Variants in CCDC57 observed in about 807,000 individuals in gnomAD.
CCDC57 encodes coiled-coil domain containing 57.
Under a neutral mutation model 118.9 loss-of-function variants are expected in CCDC57, and 118 were observed. The ratio of observed to expected loss-of-function variants is 0.99; its 90% confidence interval spans 0.86 to 1.16. The LOEUF (loss-of-function observed/expected upper bound fraction) is 1.16, where lower values mean the gene tolerates loss of function less well. CCDC57 is among the 50% of genes most tolerant of loss of function. CCDC57 has a pLI of 0.00. For missense variants in CCDC57, 1,300 were observed against 1,320.7 expected, an observed-to-expected ratio of 0.98 and a Z score of 0.24; for synonymous variants, 527 against 532.9, an observed-to-expected ratio of 0.99 and a Z score of 0.15.
rs374884409 is a variant in CCDC57, at chr17:82,203,819, T to C, written c.-8-1867A>G. Among the ~76,000 whole-genome samples, 186 of 152,286 alleles carry C rather than the reference T, an allele frequency of 1.2e-3. 2 individuals carry two copies. The highest frequency in any genetic ancestry group is 4.1e-3 in the African/African-American group (170 of 41,560). On this transcript the variant is annotated intron_variant, in intron 2 of 19. Transcript: ENST00000665763. ...CACAAACTTCCGGCCTGGTGGGACA[T>C]GGCCGGGGTGCTGCTGCCAGAGCAG...
chr17:82,130,814 G>T (rs1166941956), intron 17 of CCDC57, among the ~76,000 whole-genome samples: 6 of 135,176 alleles, frequency 4.4e-5, no homozygotes, highest in African/African-American at 1.5e-4. Flanking sequence ...CCTTTTTTTT[G>T]GGGGGGTGGG....
chr17:82,128,863 C>T (rs927850486), intron 17 of CCDC57, among the ~76,000 whole-genome samples: 3 of 152,094 alleles, frequency 2.0e-5, no homozygotes, highest in Admixed American at 1.3e-4. Flanking sequence ...GAGAGCCCCC[C>T]GGCCCAAGAT....
At position 82,115,765 on chromosome 17, in the gene CCDC57, C is replaced by T. The variant is rs896516827; in HGVS notation, c.2899+11927G>A. On this transcript the variant is annotated intron_variant, in intron 19 of 19. Transcript: ENST00000665763. Reference sequence around the variant, plus strand: ...CCGGGGCGACAGAGGGAGACTCTGTCTCAAAAATACAAAAAATTTATGCAA... The same window carrying T: ...CCGGGGCGACAGAGGGAGACTCTGTTTCAAAAATACAAAAAATTTATGCAA... Among the ~76,000 whole-genome samples the T allele has an allele frequency of 1.3e-4, 18 of 140,244 alleles. No individual in the cohort carries two copies. The East Asian group carries it at 3.2e-3, about 25-fold the overall frequency. 92.0% of individuals were successfully genotyped at this position (140,244 alleles called of 152,430 possible).
At chr17:82,162,396 T>A (rs114058852) in intron 14 of CCDC57, among the ~76,000 whole-genome samples, 2,501 of 152,176 alleles carry the variant, frequency 0.016, 71 homozygotes, top group African/African-American at 0.057. Context: ...GGAAACAGGG[T>A]GGGCTCGCTG....
exon 11 of CCDC57, chr17:82,178,570 T>G: frequency 6.2e-7 from 1 of 1,613,356 alleles, no homozygotes; most frequent in Non-Finnish European, 8.5e-7. Context: ...CCTGCTCCTG[T>G]AGCGCCTGCT....
chr17:82,191,725 G>T (rs1229615633), intron 7 of CCDC57, among the ~76,000 whole-genome samples: 1 of 152,032 alleles, frequency 6.6e-6, no homozygotes. Context: ...AGAGTGCTGT[G>T]GCACCACCTC....
chr17:82,157,510 C>T (rs1217925676), intron 15 of CCDC57: 2 of 1,423,414 alleles, frequency 1.4e-6, no homozygotes, highest in African/African-American at 1.4e-5. Context: ...GTCCCGCCCC[C>T]CACCAACGGG....
intron 19 of CCDC57, chr17:82,106,701 A>G (rs1206456741): frequency 6.6e-6 from 1 of 152,398 alleles, no homozygotes; most frequent in African/African-American, 2.4e-5. Context: ...TGCTGGCCTC[A>G]TGCCCCTTGG....
At position 82,172,737 on chromosome 17, in the gene CCDC57, C is replaced by T. The variant is rs1381034433; in HGVS notation, c.1630G>A (p.Ala544Thr). 2 of 1,604,084 alleles carry T rather than the reference C, an allele frequency of 1.2e-6. No individual in the cohort carries two copies. The highest frequency in any genetic ancestry group is 1.7e-6 in the Non-Finnish European group (2 of 1,175,456). The change falls in exon 12 of 20, where the codon GCT becomes ACT. Residue 544 changes from alanine (A) to threonine (T), a missense_variant. Physicochemically the swap from Ala to Thr is moderately conservative, Grantham distance 58 (BLOSUM62 0). Coordinates refer to ENST00000665763, the Ensembl canonical transcript of CCDC57. The surrounding 1 kb of genome is among the most constrained non-coding windows in gnomAD (Gnocchi z 5.2). Reference sequence around the variant, plus strand: ...GGAGGAGGAATCTGATGGCTTAGAGCCTCCATTTCTTTCCTCATCTGGGCA... The same window carrying T: ...GGAGGAGGAATCTGATGGCTTAGAGTCTCCATTTCTTTCCTCATCTGGGCA...
At chr17:82,141,167 C>T (rs139112844) in intron 16 of CCDC57, among the ~76,000 whole-genome samples, 2,577 of 144,206 alleles carry the variant, frequency 0.018, 38 homozygotes, top group South Asian at 0.052. Context: ...CGTGCCACCA[C>T]GCCCGGCTAA....
chr17:82,163,410 T>C, intron 13 of CCDC57, 53 bp from the exon 13 acceptor site: 1 of 1,593,074 alleles, frequency 6.3e-7, no homozygotes, highest in Non-Finnish European at 8.6e-7. Flanking sequence ...AAGGAAGACC[T>C]TTCTGGGGAG....
In CCDC57 at chr17:82,150,909, A is replaced by G. The variant is rs1456663679; in HGVS notation, c.2455+651T>C. ...GAACCTGACCCACACCCAGAACCTGACCCGCACCCAGAACCAGGCGCACAC... is the reference window on the plus strand; with the variant it reads ...GAACCTGACCCACACCCAGAACCTGGCCCGCACCCAGAACCAGGCGCACAC... On this transcript the variant is annotated intron_variant, in intron 16 of 19. Transcript: ENST00000665763. Among the ~76,000 whole-genome samples the G allele has an allele frequency of 5.3e-4, 16 of 29,960 alleles. 1 individual carries two copies. Among genetic ancestry groups the G allele is most frequent in the Admixed American group, 3.3e-3 (6 of 1,828 alleles). The allele number at this position is 29,960 out of a possible 152,430, so 19.7% of individuals were successfully genotyped here. A position where few individuals can be genotyped will look rare whatever the true frequency, so the allele number is the denominator to read the frequency against.
At chr17:82,194,100 C>T in exon 6 of CCDC57, 1 of 1,613,940 alleles carries the variant, frequency 6.2e-7, no homozygotes, top group Non-Finnish European at 8.5e-7. Flanking sequence ...TTTGCCCCGG[C>T]TTCCTTCAGA....
intron 16 of CCDC57, among the ~76,000 whole-genome samples, chr17:82,149,977 G>GTGCA: frequency 9.1e-6 from 1 of 109,362 alleles, no homozygotes; most frequent in South Asian, 3.0e-4. Context: ...AACCTGACCC[G>GTGCA]CACCCAGAAC....
chr17:82,111,308 A>G lies in CCDC57; in HGVS notation c.2900-9442T>C, dbSNP rs1167368902. On this transcript the variant is annotated intron_variant, in intron 19 of 19. Coordinates refer to ENST00000665763, the Ensembl canonical transcript of CCDC57. ...AGTAGAGACGGGGTTTCACTGTGTT[A>G]GCCAGGATGGTCTCGATCTCCTGAC... is the stretch of plus-strand genomic sequence containing the variant. Among the ~76,000 whole-genome samples the G allele has an allele frequency of 8.4e-5, 7 of 83,630 alleles. No individual in the cohort carries two copies. In the East Asian group the frequency reaches 2.8e-3, roughly 33 times the overall value. The allele number at this position is 83,630 out of a possible 152,430, so 54.9% of individuals were successfully genotyped here. A position where few individuals can be genotyped will look rare whatever the true frequency, so the allele number is the denominator to read the frequency against.
intron 2 of CCDC57, among the ~76,000 whole-genome samples, chr17:82,203,640 TAA>T (rs1442952388): frequency 6.6e-6 from 1 of 152,162 alleles, no homozygotes; most frequent in Non-Finnish European, 1.5e-5. Flanking sequence ...TATTAAAAGA[TAA>T]AGTTTCTTCT....
chr17:82,117,838 G>A (rs571716342), intron 19 of CCDC57, among the ~76,000 whole-genome samples: 6 of 152,250 alleles, frequency 3.9e-5, no homozygotes, highest in South Asian at 2.1e-4. Flanking sequence ...GGGGGCCAAC[G>A]TCCTGGGGGC....
chr17:82,178,985 A>G, intron 10 of CCDC57, 42 bp downstream of exon 9: 1 of 1,599,584 alleles, frequency 6.3e-7, no homozygotes, highest in Non-Finnish European at 8.5e-7. Context: ...CCACCTCTGC[A>G]GAGACGCCGA....
intron 11 of CCDC57, among the ~76,000 whole-genome samples, chr17:82,175,232 G>A (rs2045316896): frequency 1.3e-5 from 2 of 152,244 alleles, no homozygotes; most frequent in South Asian, 2.1e-4. Context: ...CTGGAAGGCC[G>A]TGCTCCACCT....
Sources: gnomAD v4.1 joint callset for allele counts (sites outside exome capture counted in the v4.1 genomes callset) on GRCh38, gnomAD v4.1.1 for gene constraint, Gnocchi (gnomAD v3.1) non-coding constraint, MANE v1.5 for transcripts, NCBI Gene and HGNC (gene_info 2026-07-23, HGNC 2026-07-21) for gene names.